WDFY2: variants seen among roughly 807,000 people sequenced by gnomAD.
WDFY2 encodes WD repeat and FYVE domain-containing protein 2.
In WDFY2, 36 loss-of-function variants were observed where a neutral mutation model predicts 56.4. The ratio of observed to expected loss-of-function variants is 0.64; its 90% CI spans 0.49 to 0.84. The LOEUF (loss-of-function observed/expected upper bound fraction) is 0.84. WDFY2 is among the 40% of genes least tolerant of loss of function. The pLI is 0.00. For synonymous variants in WDFY2, 176 were observed against 183.7 expected, an observed-to-expected ratio of 0.96 and a Z score of 0.34; for missense variants, 444 against 512.2, an observed-to-expected ratio of 0.87 and a Z score of 1.29.
At chr13:51,591,996 T>C (rs1417837316) in intron 1 of WDFY2, 3 of 94,878 alleles carry the variant, frequency 3.2e-5, no homozygotes, top group African/African-American at 1.1e-4. Flanking sequence ...AGTAGGAATG[T>C]TGGGGGGAGG....
In WDFY2 at chr13:51,719,303, AGC is replaced by A; in HGVS notation, c.443_444del (p.Arg148ProfsTer16). The A allele has an allele frequency of 1.2e-6, 2 of 1,613,474 alleles. No homozygotes were observed. Among genetic ancestry groups the A allele is most frequent in the South Asian group, 2.2e-5 (2 of 90,984 alleles). ...GCCTGGCACTGCTCTGAGAGTGGGC[AGC>A]GCCTGGGAGGTTATCGGACCAGTGC... On this transcript the variant is annotated frameshift_variant, in exon 5 of 12. Transcript: ENST00000298125. LOFTEE classifies it high-confidence loss of function.
chr13:51,709,212 T>C (rs1952155847), intron 4 of WDFY2, among the ~76,000 whole-genome samples: 1 of 152,230 alleles, frequency 6.6e-6, no homozygotes, highest in Non-Finnish European at 1.5e-5. Flanking sequence ...GTTTTATTTA[T>C]ACATTATTTT....
At chr13:51,717,262 A>G (rs1289291783) in intron 4 of WDFY2, among the ~76,000 whole-genome samples, 1 of 152,122 alleles carries the variant, frequency 6.6e-6, no homozygotes, top group Non-Finnish European at 1.5e-5. Flanking sequence ...TTTCACCTTA[A>G]ACAGAAGTAT....
chr13:51,661,401 A>C (rs574869234), intron 2 of WDFY2, among the ~76,000 whole-genome samples: 3 of 152,304 alleles, frequency 2.0e-5, no homozygotes, highest in East Asian at 3.9e-4. Context: ...CTTGTATTAA[A>C]CATTTCCCTT....
chr13:51,642,820 A>G (rs1346189199), intron 1 of WDFY2, among the ~76,000 whole-genome samples: 3 of 151,740 alleles, frequency 2.0e-5, no homozygotes, highest in Admixed American at 2.0e-4. Context: ...AGCTGGGACT[A>G]CAAGTGCACA....
chr13:51,655,950 T>C (rs896534952), intron 1 of WDFY2, among the ~76,000 whole-genome samples: 1 of 152,016 alleles, frequency 6.6e-6, no homozygotes, highest in African/African-American at 2.4e-5. Context: ...GCATATAAAT[T>C]TTCTCCTATA....
At chr13:51,697,308 G>GT (rs1432348253) in intron 3 of WDFY2, among the ~76,000 whole-genome samples, 1 of 152,060 alleles carries the variant, frequency 6.6e-6, no homozygotes, top group Non-Finnish European at 1.5e-5. Flanking sequence ...GGATATTCCT[G>GT]TTTTTATAAT....
At chr13:51,650,617 G>C (rs1260576351) in intron 1 of WDFY2, among the ~76,000 whole-genome samples, 1 of 152,152 alleles carries the variant, frequency 6.6e-6, no homozygotes, top group East Asian at 1.9e-4. Flanking sequence ...AGAGTTTTTA[G>C]CATGAAGTGC....
chr13:51,708,495 A>T (rs1265875930), intron 4 of WDFY2, among the ~76,000 whole-genome samples: 1 of 152,110 alleles, frequency 6.6e-6, no homozygotes, highest in Non-Finnish European at 1.5e-5. Flanking sequence ...ATAGAATAAA[A>T]TAAAAATAAA....
At chr13:51,624,659 C>T (rs992699873) in intron 1 of WDFY2, among the ~76,000 whole-genome samples, 1 of 152,120 alleles carries the variant, frequency 6.6e-6, no homozygotes, top group African/African-American at 2.4e-5. Flanking sequence ...AAATACAGAT[C>T]GGGGTAAAGG....
intron 3 of WDFY2, among the ~76,000 whole-genome samples, chr13:51,698,209 C>T (rs1593426273): frequency 6.6e-6 from 1 of 151,974 alleles, no homozygotes; most frequent in East Asian, 1.9e-4. Flanking sequence ...GAAGATAGCA[C>T]CAAAATGGAA....
At chr13:51,717,061 A>T (rs909326202) in intron 4 of WDFY2, among the ~76,000 whole-genome samples, 7 of 152,172 alleles carry the variant, frequency 4.6e-5, no homozygotes, top group African/African-American at 1.7e-4. Context: ...CCTGCAGCTA[A>T]CATCATCCTT....
At chr13:51,715,914 A>G (rs549954128) in intron 4 of WDFY2, among the ~76,000 whole-genome samples, 1 of 152,296 alleles carries the variant, frequency 6.6e-6, no homozygotes, top group South Asian at 2.1e-4. Context: ...CAGTATTCAC[A>G]CAAAAACTCA....
intron 10 of WDFY2, among the ~76,000 whole-genome samples, chr13:51,757,136 C>A (rs892810490): frequency 6.6e-6 from 1 of 152,096 alleles, no homozygotes; most frequent in African/African-American, 2.4e-5. Context: ...CCTTCCAGCA[C>A]CTTGTATTAC....
chr13:51,734,087 T>G (rs1952782378), intron 6 of WDFY2, among the ~76,000 whole-genome samples: 1 of 152,194 alleles, frequency 6.6e-6, no homozygotes, highest in African/African-American at 2.4e-5. Flanking sequence ...CTGCACATAT[T>G]ACCCTTGAGG....
Position 51,762,296 on chromosome 13 carries a change from A to G in WDFY2, c.*2527A>G, listed in dbSNP as rs894497293. The G allele has an allele frequency of 3.3e-5, 5 of 152,230 alleles. No individual in the cohort carries two copies. Among genetic ancestry groups the G allele is most frequent in the African/African-American group, 1.2e-4 (5 of 41,412 alleles). 9.4% of individuals were successfully genotyped at this position (152,230 alleles called of 1,614,324 possible). A position where few individuals can be genotyped will look rare whatever the true frequency, so the allele number is the denominator to read the frequency against. ...AAGCAGAGTGTCCCCGTCAGATCACATATGTCCTCTACAGTCGCTCTGGCC... is the reference window on the plus strand; with the variant it reads ...AAGCAGAGTGTCCCCGTCAGATCACGTATGTCCTCTACAGTCGCTCTGGCC... On this transcript the variant is annotated 3_prime_UTR_variant, in exon 12 of 12. Coordinates refer to ENST00000298125, the MANE Select transcript of WDFY2 (RefSeq NM_052950.4).
Position 51,763,422 on chromosome 13 carries a change from A to G in WDFY2, c.*3653A>G, listed in dbSNP as rs1593492314. On this transcript the variant is annotated 3_prime_UTR_variant, in exon 12 of 12. Coordinates refer to ENST00000298125, the MANE Select transcript of WDFY2 (RefSeq NM_052950.4). ...GGAAATCCAGTGGCACTTAAAATTC[A>G]CCCTGCCCCGTTTGGCTGCGATTCC... The G allele has an allele frequency of 6.6e-6, 1 of 152,070 alleles. No individual in the cohort carries two copies. The highest frequency in any genetic ancestry group is 2.1e-4 in the South Asian group (1 of 4,820). 9.4% of individuals were successfully genotyped at this position (152,070 alleles called of 1,614,324 possible). A position where few individuals can be genotyped will look rare whatever the true frequency, so the allele number is the denominator to read the frequency against.
chr13:51,755,459 G>A lies in WDFY2; in HGVS notation c.933G>A (p.Gln311=). 6.2e-7 allele frequency: 1 copy of A among 1,613,782 alleles called. No individual in the cohort carries two copies. Among genetic ancestry groups the A allele is most frequent in the Non-Finnish European group, 8.5e-7 (1 of 1,179,654 alleles). The change falls in exon 9 of 12, where the codon CAG becomes CAA. Residue 311 remains glutamine (Q), a splice_region_variant and synonymous_variant. Transcript: ENST00000298125. The part of the protein sequence containing the change: ...MWDSKKIGLR[Q]HHCRKCGKAV... Reference sequence around the variant, plus strand: ...ACAGTAAGAAAATTGGTCTAAGACAGGTGAGTGATATGGATGCTTCATCAA... The same window carrying A: ...ACAGTAAGAAAATTGGTCTAAGACAAGTGAGTGATATGGATGCTTCATCAA...
chr13:51,636,308 A>G (rs1028285072), intron 1 of WDFY2, among the ~76,000 whole-genome samples: 35 of 152,184 alleles, frequency 2.3e-4, no homozygotes, highest in African/African-American at 8.2e-4. Context: ...CTCATTTTAC[A>G]ATGATCTTAG....
Sources: allele counts gnomAD v4.1 joint callset (sites outside exome capture counted in the v4.1 genomes callset), GRCh38; gene constraint gnomAD v4.1.1; transcripts MANE v1.5; gene names NCBI Gene and HGNC (gene_info 2026-07-23, HGNC 2026-07-21).